GRID2: variants seen among roughly 807,000 people sequenced by gnomAD.
GRID2 encodes the protein glutamate ionotropic receptor delta type subunit 2.
In GRID2, 33 loss-of-function variants were observed where a neutral mutation model predicts 114.8. The observed-to-expected ratio is 0.29, with a 90% CI of 0.22 to 0.38. The LOEUF (loss-of-function observed/expected upper bound fraction) is 0.38. GRID2 is among the 10% of genes least tolerant of loss of function. The pLI is 1.00. For missense variants in GRID2, 1,184 were observed against 1,257.7 expected (o/e 0.94, Z 0.89); for synonymous variants, 505 against 449.9 (o/e 1.12, Z -1.55).
chr4:92,611,441 C>T (rs1729740298), intron 2 of GRID2, among the ~76,000 whole-genome samples: 1 of 151,488 alleles, frequency 6.6e-6, no homozygotes, highest in African/African-American at 2.4e-5. Context: ...GATAAGGACT[C>T]CATCCTTATG....
intron 8 of GRID2, among the ~76,000 whole-genome samples, chr4:93,377,970 C>T (rs943133392): frequency 1.3e-5 from 2 of 151,970 alleles, no homozygotes; most frequent in South Asian, 2.1e-4. Flanking sequence ...TCAACTTTTA[C>T]GTCAAAAAAT....
chr4:93,544,302 AG>A (rs1732976411), intron 13 of GRID2, among the ~76,000 whole-genome samples: 2 of 73,868 alleles, frequency 2.7e-5, no homozygotes. Context: ...ATTTAAAATA[AG>A]CAAGTATAAA....
intron 14 of GRID2, among the ~76,000 whole-genome samples, chr4:93,645,197 A>G (rs1309305205): frequency 6.6e-6 from 1 of 152,188 alleles, no homozygotes; most frequent in Admixed American, 6.5e-5. Context: ...AAATCAACGG[A>G]AAGAGGGGAG....
chr4:92,621,515 A>G (rs1195101887), intron 2 of GRID2, among the ~76,000 whole-genome samples: 1 of 151,796 alleles, frequency 6.6e-6, no homozygotes, highest in African/African-American at 2.4e-5. Flanking sequence ...TAAAAACTCC[A>G]TAGATGAATA....
In GRID2 at chr4:92,491,927, CTG is replaced by C. The variant is rs200667557; in HGVS notation, c.89-98201_89-98200del. ...CCACTTCAGTAATGCCTTTTCCAAA[CTG>C]TGCATTGTACATGTTCCTAAATTTT... On this transcript the variant is annotated intron_variant, in intron 1 of 15. Transcript: ENST00000282020. Among the ~76,000 whole-genome samples the C allele has an allele frequency of 1.0e-3, 153 of 152,266 alleles. No homozygotes were observed. In the East Asian group the frequency reaches 0.028, roughly 28 times the overall value.
At chr4:93,408,962 C>G (rs974166716) in intron 9 of GRID2, among the ~76,000 whole-genome samples, 2 of 152,068 alleles carry the variant, frequency 1.3e-5, no homozygotes, top group African/African-American at 4.8e-5. Flanking sequence ...TTCTTAAAAC[C>G]TTAGATCAGC....
Position 93,587,119 on chromosome 4 carries a change from C to T in GRID2, c.2194-39150C>T, listed in dbSNP as rs769970082. Among the ~76,000 whole-genome samples the T allele has an allele frequency of 7.9e-4, 120 of 152,118 alleles. 3 individuals are homozygous for T. The highest frequency in any genetic ancestry group is 3.4e-3 in the Middle Eastern group (1 of 294). ...TTTCTGTCTATCATTTCTCTTTATTCCCTCTGTTCTCTGCCTCTGAAACTT... is the reference window on the plus strand; with the variant it reads ...TTTCTGTCTATCATTTCTCTTTATTTCCTCTGTTCTCTGCCTCTGAAACTT... On this transcript the variant is annotated intron_variant, in intron 13 of 15. Transcript: ENST00000282020.
At chr4:93,106,247 C>T (rs1163242316) in intron 3 of GRID2, among the ~76,000 whole-genome samples, 6 of 152,210 alleles carry the variant, frequency 3.9e-5, no homozygotes, top group Non-Finnish European at 8.8e-5. Flanking sequence ...TAACTCATCT[C>T]ATTGGCTGCC....
chr4:93,410,851 G>A (rs935100504), intron 9 of GRID2, among the ~76,000 whole-genome samples: 3 of 152,174 alleles, frequency 2.0e-5, no homozygotes, highest in South Asian at 4.1e-4. Context: ...CCAAAGTGCT[G>A]GGATAACAGG....
chr4:92,899,038 CAA>C (rs1252101076), intron 2 of GRID2, among the ~76,000 whole-genome samples: 6 of 151,938 alleles, frequency 3.9e-5, no homozygotes, highest in Admixed American at 3.9e-4. Context: ...TCTTCAATAT[CAA>C]AATTTAACAT....
chr4:92,755,798 T>C (rs1737687434), intron 2 of GRID2, among the ~76,000 whole-genome samples: 2 of 152,166 alleles, frequency 1.3e-5, no homozygotes, highest in Non-Finnish European at 2.9e-5. Context: ...ATTGCAAGAA[T>C]TTAAGCAGTG....
intron 2 of GRID2, among the ~76,000 whole-genome samples, chr4:92,700,803 T>A (rs1442381730): frequency 6.6e-6 from 1 of 152,010 alleles, no homozygotes; most frequent in Non-Finnish European, 1.5e-5. Flanking sequence ...CCATCCTTGT[T>A]AACACAGTGA....
At chr4:93,486,360 T>C (rs565172535) in intron 11 of GRID2, among the ~76,000 whole-genome samples, 22 of 151,734 alleles carry the variant, frequency 1.4e-4, no homozygotes, top group African/African-American at 5.3e-4. Context: ...TTTCTTGGAC[T>C]ACAGAGTCTA....
chr4:92,768,265 A>T (rs1578165760), intron 2 of GRID2, among the ~76,000 whole-genome samples: 1 of 152,088 alleles, frequency 6.6e-6, no homozygotes, highest in Non-Finnish European at 1.5e-5. Flanking sequence ...TGCATTGCAA[A>T]TTTTCAAAGA....
intron 3 of GRID2, 144 bp downstream of exon 3, chr4:93,085,423 A>G (rs1730241985): frequency 1.5e-5 from 10 of 674,882 alleles, no homozygotes; most frequent in Admixed American, 5.6e-5. Context: ...AAACATAGCA[A>G]CAACTGAAAA....
Position 92,575,698 on chromosome 4 carries a change from C to G in GRID2, c.89-14433C>G, listed in dbSNP as rs151217628. Among the ~76,000 whole-genome samples, 602 of 152,278 alleles carry G rather than the reference C, an allele frequency of 4.0e-3. 3 individuals are homozygous for G. Among genetic ancestry groups the G allele is most frequent in the Non-Finnish European group, 5.7e-3 (389 of 68,014 alleles). Reference sequence around the variant, plus strand: ...CCAGGGGATACTGACTGGTTGCCAGCCTGAACCCTCCTGTAGGAGGTGGCT... The same window carrying G: ...CCAGGGGATACTGACTGGTTGCCAGGCTGAACCCTCCTGTAGGAGGTGGCT... On this transcript the variant is annotated intron_variant, in intron 1 of 15. Transcript: ENST00000282020.
chr4:93,348,662 C>T (rs377710463), intron 8 of GRID2, among the ~76,000 whole-genome samples: 1 of 152,040 alleles, frequency 6.6e-6, no homozygotes, highest in African/African-American at 2.4e-5. Flanking sequence ...GGGACATTGG[C>T]ACTCATAGAC....
chr4:92,822,229 C>T (rs1026856960), intron 2 of GRID2: 3 of 526,668 alleles, frequency 5.7e-6, no homozygotes, highest in Non-Finnish European at 1.1e-5. Context: ...ATGATATTCC[C>T]ACCACATAGC....
intron 2 of GRID2, among the ~76,000 whole-genome samples, chr4:92,820,118 G>T (rs1578235864): frequency 6.6e-6 from 1 of 152,040 alleles, no homozygotes; most frequent in Non-Finnish European, 1.5e-5. Context: ...TTCTCATTTG[G>T]TTCTGCCCAC....
Sources: allele counts gnomAD v4.1 joint callset (sites outside exome capture counted in the v4.1 genomes callset), GRCh38; gene constraint gnomAD v4.1.1; transcripts MANE v1.5; gene names NCBI Gene and HGNC (gene_info 2026-07-23, HGNC 2026-07-21).